YBEY: variants seen among roughly 807,000 people sequenced by gnomAD.
The protein encoded by YBEY is endoribonuclease YbeY.
A neutral mutation model predicts 13.5 loss-of-function variants in YBEY; 15 were observed. That is an observed-to-expected ratio of 1.11 (90% confidence interval 0.75 to 1.72). The LOEUF (loss-of-function observed/expected upper bound fraction) is 1.72. YBEY is among the 40% of genes most tolerant of loss of function. The pLI is 0.00. For missense variants in YBEY, 244 were observed against 208.4 expected, an observed-to-expected ratio of 1.17 and a Z score of -1.05; for synonymous variants, 101 against 83.1, an observed-to-expected ratio of 1.21 and a Z score of -1.17.
chr21:46,301,720 G>A (rs1412770225), downstream of YBEY: 18 of 1,198,986 alleles, frequency 1.5e-5, no homozygotes, highest in African/African-American at 2.0e-4. Context: ...CGCCCTACAG[G>A]AAAGGAGGGG....
downstream of YBEY, chr21:46,302,532 A>G (rs1381262263): frequency 5.6e-6 from 9 of 1,612,796 alleles, no homozygotes; most frequent in Admixed American, 1.7e-5. Flanking sequence ...TGCAGGACCA[A>G]CTGGTGCACC....
downstream of YBEY, chr21:46,301,802 C>A: frequency 1.6e-6 from 2 of 1,246,184 alleles, no homozygotes; most frequent in South Asian, 3.5e-5. Context: ...GCAAGGGATG[C>A]CCCCTGGAAT....
chr21:46,304,794 C>A, the YBEY span, among the ~76,000 whole-genome samples: 1 of 152,206 alleles, frequency 6.6e-6, no homozygotes, highest in Non-Finnish European at 1.5e-5. Flanking sequence ...AGCCTGGAAT[C>A]TTGAGCGGGG....
rs1024353909 is a variant in YBEY, at chr21:46,287,687, C to A, written c.210+564C>A. Among the ~76,000 whole-genome samples, 5 of 152,162 alleles carry A rather than the reference C, an allele frequency of 3.3e-5. No individual in the cohort carries two copies. The South Asian group carries it at 1.0e-3, about 32-fold the overall frequency. ...AGAGTCTACAATTACACTGGTAACCCAGCAGGAAAAAGAAAGGTGACAGCC... is the reference window on the plus strand; with the variant it reads ...AGAGTCTACAATTACACTGGTAACCAAGCAGGAAAAAGAAAGGTGACAGCC... On this transcript the variant is annotated intron_variant, in intron 2 of 4. Transcript: ENST00000397701.
chr21:46,302,353 G>A (rs1556336), downstream of YBEY: 701,515 of 1,054,706 alleles, frequency 0.67, 238,744 homozygotes, highest in Non-Finnish European at 0.7. Flanking sequence ...TGGGGATGGG[G>A]GCTTCACAGC....
chr21:46,286,894 G>C lies in YBEY; in HGVS notation c.-20G>C. The C allele has an allele frequency of 6.2e-7, 1 of 1,613,214 alleles. No homozygotes were observed. The highest frequency in any genetic ancestry group is 1.3e-5 in the African/African-American group (1 of 74,926). On this transcript the variant is annotated 5_prime_UTR_variant, in exon 2 of 5. Transcript: ENST00000397701. ...GGTTCCGTTGCAAACATTTTTAAAG[G>C]GCTGGTTATTCTTCCTGAAATGAGT...
chr21:46,298,434 C>CTTTTTTTTTTTTTT (rs557264546), downstream of YBEY, among the ~76,000 whole-genome samples: 389 of 97,084 alleles, frequency 4.0e-3, 77 homozygotes, highest in African/African-American at 7.4e-3. Flanking sequence ...TTAATCCAAG[C>CTTTTTTTTTTTTTT]TTTTTTTTTT....
chr21:46,309,324 T>C, the YBEY span, among the ~76,000 whole-genome samples: 34 of 152,074 alleles, frequency 2.2e-4, 1 homozygote, highest in African/African-American at 8.0e-4. Flanking sequence ...TAGCCAGGCA[T>C]GGTGGCAGGC....
At chr21:46,297,847 C>A, downstream of YBEY, 1 of 1,098,048 alleles carries the variant, frequency 9.1e-7, no homozygotes, top group Non-Finnish European at 1.1e-6. Flanking sequence ...TGGCCCCCGC[C>A]CGGGAGCACC....
chr21:46,300,776 A>G, downstream of YBEY: 2 of 1,289,486 alleles, frequency 1.6e-6, no homozygotes, highest in Non-Finnish European at 2.0e-6. Flanking sequence ...GCGGAACTTC[A>G]GGAATGAAAG....
intron 3 of YBEY, 105 bp from the exon 4 acceptor site, chr21:46,296,057 G>T: frequency 1.7e-6 from 2 of 1,210,846 alleles, no homozygotes; most frequent in Non-Finnish European, 2.4e-6. Context: ...CAACCCTGGG[G>T]TCCTGCAGCC....
the YBEY span, among the ~76,000 whole-genome samples, chr21:46,310,857 T>A: frequency 6.6e-6 from 1 of 151,370 alleles, no homozygotes; most frequent in East Asian, 1.9e-4. Context: ...AATCAAGTAT[T>A]TAAAAGCTAT....
At position 46,296,202 on chromosome 21, in the gene YBEY, C is replaced by T; in HGVS notation, c.380C>T (p.Thr127Ile). The change falls in exon 4 of 5, where the codon ACA (threonine) becomes ATA (isoleucine). Residue 127 changes from threonine to isoleucine, a missense_variant. Thr to Ile is a moderately conservative substitution (Grantham distance 89). Coordinates refer to ENST00000397701, the MANE Select transcript of YBEY (RefSeq NM_001314025.2). Reference protein sequence around the residue: ...THGLCHLLGFTHGTEAEWQQM... With the variant: ...THGLCHLLGFIHGTEAEWQQM... ...GGACTCTGTCACTTGCTGGGATTCACACACGGCACGGAGGCAGAGTGGCAG... is the reference window on the plus strand; with the variant it reads ...GGACTCTGTCACTTGCTGGGATTCATACACGGCACGGAGGCAGAGTGGCAG... 6.2e-7 allele frequency: 1 copy of T among 1,613,868 alleles called. No homozygotes were observed.
chr21:46,304,052 A>C, the YBEY span, among the ~76,000 whole-genome samples: 1 of 81,268 alleles, frequency 1.2e-5, no homozygotes, highest in Admixed American at 2.0e-4. Context: ...TTTGAGACGG[A>C]GTCTCACTGT....
At chr21:46,291,257 T>C (rs1353489282) in intron 2 of YBEY, 77 bp from the exon 3 acceptor site, 80 of 1,572,994 alleles carry the variant, frequency 5.1e-5, no homozygotes, top group Non-Finnish European at 6.7e-5. Context: ...GCCTTGGGAT[T>C]AACCAGGATG....
the YBEY span, among the ~76,000 whole-genome samples, chr21:46,310,864 CTAT>C: frequency 1.3e-5 from 2 of 150,480 alleles, no homozygotes; most frequent in African/African-American, 2.4e-5. Flanking sequence ...TATTTAAAAG[CTAT>C]TATTATTATT....
At chr21:46,309,121 C>G in the YBEY span, among the ~76,000 whole-genome samples, 4 of 152,082 alleles carry the variant, frequency 2.6e-5, no homozygotes, top group Non-Finnish European at 5.9e-5. Context: ...GAGTTCGAGA[C>G]CAGTCTGGCC....
chr21:46,296,550 G>A (rs921783430), intron 4 of YBEY, among the ~76,000 whole-genome samples: 6 of 152,186 alleles, frequency 3.9e-5, no homozygotes, highest in Admixed American at 3.9e-4. Flanking sequence ...GCTCTGCGTG[G>A]AGTGAGTTCC....
chr21:46,303,972 C>T, the YBEY span, among the ~76,000 whole-genome samples: 7 of 131,160 alleles, frequency 5.3e-5, no homozygotes, highest in Non-Finnish European at 8.0e-5. Context: ...AGGATGGTCT[C>T]GATCTCCTGA....
Sources: gnomAD v4.1 joint callset for allele counts (sites outside exome capture counted in the v4.1 genomes callset) on GRCh38, gnomAD v4.1.1 for gene constraint, MANE v1.5 for transcripts, NCBI Gene and HGNC (gene_info 2026-07-23, HGNC 2026-07-21) for gene names.